The following PYGB variants were observed in gnomAD, a reference collection of about 807,000 sequenced individuals.
The protein encoded by PYGB is glycogen phosphorylase B.
A neutral mutation model predicts 94.3 loss-of-function variants in PYGB; 82 were observed. That is an observed-to-expected ratio of 0.87 (90% confidence interval 0.73 to 1.04). The LOEUF is 1.04. Among genes scored for constraint, PYGB ranks in the 50% least tolerant of loss-of-function variants. The pLI is 0.00. For synonymous variants in PYGB, 488 were observed against 479.1 expected (o/e 1.02, Z -0.24); for missense variants, 1,132 against 1,158.2 (o/e 0.98, Z 0.33).
chr20:25,260,845 T>C (rs1389499719), intron 2 of PYGB, among the ~76,000 whole-genome samples: 1 of 152,204 alleles, frequency 6.6e-6, no homozygotes, highest in South Asian at 2.1e-4. Flanking sequence ...CGCACCAGGC[T>C]CAGAGGGTCC....
intron 2 of PYGB, among the ~76,000 whole-genome samples, chr20:25,262,998 C>G (rs1003657884): frequency 5.9e-5 from 9 of 152,168 alleles, no homozygotes; most frequent in African/African-American, 2.2e-4. Context: ...GAGACTTAGA[C>G]TCCCACACAA....
At chr20:25,266,921 A>G (rs6050504) in intron 2 of PYGB, among the ~76,000 whole-genome samples, 9,878 of 152,300 alleles carry the variant, frequency 0.065, 988 homozygotes, top group African/African-American at 0.22. Flanking sequence ...TTTGGAAAAT[A>G]GTCTGCTAGT....
intron 2 of PYGB, among the ~76,000 whole-genome samples, chr20:25,266,737 T>C (rs1489477278): frequency 6.6e-6 from 1 of 152,194 alleles, no homozygotes; most frequent in Admixed American, 6.5e-5. Context: ...CCAAAGATGA[T>C]ATCCACATAG....
At chr20:25,266,375 C>G (rs190143637) in intron 2 of PYGB, among the ~76,000 whole-genome samples, 28 of 152,074 alleles carry the variant, frequency 1.8e-4, no homozygotes, top group African/African-American at 6.3e-4. Context: ...ACCCCTACCT[C>G]ACATTACATA....
At chr20:25,255,234 A>G (rs1248590379) in intron 1 of PYGB, among the ~76,000 whole-genome samples, 1 of 152,226 alleles carries the variant, frequency 6.6e-6, no homozygotes, top group Non-Finnish European at 1.5e-5. Flanking sequence ...GGACACTGTG[A>G]CACTGTCAAG....
In PYGB at chr20:25,282,133, G is replaced by A. The variant is rs2227891; in HGVS notation, c.1504G>A (p.Asp502Asn). ...GCTGCTGTGCAACCCGGGGCTGGCCGATACCATCGTGGAGGTGAGTCCCGG... is the reference window on the plus strand; with the variant it reads ...GCTGCTGTGCAACCCGGGGCTGGCCAATACCATCGTGGAGGTGAGTCCCGG... Reference protein sequence around the residue: ...WLLLCNPGLADTIVEKIGEEF... With the variant: ...WLLLCNPGLANTIVEKIGEEF... Residue 502 changes from aspartate to asparagine, a missense_variant, in exon 12 of 20, where the codon GAT becomes AAT. By Grantham distance (23) the Asp-to-Asn change is conservative. Coordinates refer to ENST00000216962, the MANE Select transcript of PYGB (RefSeq NM_002862.4). 280,979 of 1,611,656 alleles carry A rather than the reference G, an allele frequency of 0.17. 26,114 individuals carry two copies. Among genetic ancestry groups the A allele is most frequent in the East Asian group, 0.33 (14,772 of 44,844 alleles).
Position 25,280,945 on chromosome 20 carries a change from C to T in PYGB, c.1240-4C>T, listed in dbSNP as rs772627439. The T allele has an allele frequency of 6.2e-7, 1 of 1,613,420 alleles. No individual in the cohort carries two copies. The highest frequency in any genetic ancestry group is 8.5e-7 in the Non-Finnish European group (1 of 1,179,660). On this transcript the variant is annotated splice_region_variant and splice_polypyrimidine_tract_variant and intron_variant, in intron 10 of 19. Coordinates refer to ENST00000216962, the MANE Select transcript of PYGB (RefSeq NM_002862.4). ...ACCCACCTGCCTCTGTGTTTTGGCACCAGCACGTGGCCGCGCTGTTTCCCG... is the reference window on the plus strand; with the variant it reads ...ACCCACCTGCCTCTGTGTTTTGGCATCAGCACGTGGCCGCGCTGTTTCCCG...
In PYGB at chr20:25,290,556, C is replaced by G. The variant is rs779347887; in HGVS notation, c.1903C>G (p.Pro635Ala). The G allele has an allele frequency of 1.9e-6, 3 of 1,611,708 alleles. No individual in the cohort carries two copies. The highest frequency in any genetic ancestry group is 2.5e-6 in the Non-Finnish European group (3 of 1,177,870). The change falls in exon 16 of 20, where the codon CCA becomes GCA. Residue 635 changes from proline to alanine, a missense_variant. By Grantham distance (27) the Pro-to-Ala change is conservative. Coordinates refer to ENST00000216962, the MANE Select transcript of PYGB (RefSeq NM_002862.4). The part of the protein sequence containing the change: ...TSIGDVVNHD[P>A]VVGDRLKVIF... ...CATCGGCGACGTCGTCAATCATGACCCAGTTGTGGGTGACAGGTTGAAAGT... is the reference window on the plus strand; with the variant it reads ...CATCGGCGACGTCGTCAATCATGACGCAGTTGTGGGTGACAGGTTGAAAGT...
intron 2 of PYGB, among the ~76,000 whole-genome samples, chr20:25,266,510 CA>C (rs1279173752): frequency 6.6e-6 from 1 of 151,840 alleles, no homozygotes; most frequent in Non-Finnish European, 1.5e-5. Context: ...GATATGACAC[CA>C]AAAACCCAAG....
chr20:25,292,232 C>T (rs910108365), intron 16 of PYGB, among the ~76,000 whole-genome samples, 174 bp from the exon 17 acceptor site: 4 of 151,666 alleles, frequency 2.6e-5, no homozygotes, highest in South Asian at 2.1e-4. Context: ...GGCGGGTGGC[C>T]GTGTCCAGCC....
rs2261747 is a variant in PYGB at position 25,281,148 on chromosome 20, G to T, written c.1403+36G>T. 3 of 1,610,020 alleles carry T rather than the reference G, an allele frequency of 1.9e-6. No homozygotes were observed. In the Admixed American group the frequency reaches 5.0e-5, roughly 27 times the overall value. ...CGCTTGCCCGAGCGGGGCCAGCTCT[G>T]TCTGACACCCAGGCCTGCGTCTAGG... On this transcript the variant is annotated intron_variant, in intron 11 of 19. Coordinates refer to ENST00000216962, the MANE Select transcript of PYGB (RefSeq NM_002862.4).
At chr20:25,276,589 A>C in intron 5 of PYGB, 57 bp from the exon 6 acceptor site, 1 of 1,477,072 alleles carries the variant, frequency 6.8e-7, no homozygotes, top group East Asian at 2.3e-5. Flanking sequence ...GGGGAGAGGC[A>C]CAGGGGCCGG....
In PYGB at chr20:25,248,369, T is replaced by A. The variant is rs976729518; in HGVS notation, c.191T>A (p.Leu64His). 4 of 1,594,896 alleles carry A rather than the reference T, an allele frequency of 2.5e-6. No individual in the cohort carries two copies. Among genetic ancestry groups the A allele is most frequent in the Non-Finnish European group, 3.4e-6 (4 of 1,171,966 alleles). The part of the protein sequence containing the change: ...FALAHTVRDH[L>H]VGRWIRTQQH... ...CTGGCGCACACGGTGCGCGACCACC[T>A]CGTGGGCCGCTGGATCCGCACGCAG... Residue 64 changes from leucine (L) to histidine (H), a missense_variant, in exon 1 of 20, where the codon CTC (leucine) becomes CAC (histidine). By Grantham distance (99) the Leu-to-His change is moderately conservative. Transcript: ENST00000216962.
chr20:25,256,943 G>A (rs2092903876), intron 1 of PYGB, among the ~76,000 whole-genome samples: 1 of 152,170 alleles, frequency 6.6e-6, no homozygotes. Context: ...ATGGTGAGGG[G>A]AACCAGCCTT....
At chr20:25,284,878 A>G (rs1373624369) in intron 14 of PYGB, 1 of 152,244 alleles carries the variant, frequency 6.6e-6, no homozygotes, top group East Asian at 1.9e-4. Context: ...AAGGACATTT[A>G]ATTATGAGAC....
chr20:25,294,138 C>A lies in PYGB; in HGVS notation c.2178-20C>A. On this transcript the variant is annotated intron_variant, in intron 17 of 19. Transcript: ENST00000216962. The stretch of plus-strand genomic sequence containing the variant: ...CCACCTGGGGCGCTGGCTGCTGACT[C>A]CTGGCCCATCGCCTCACAGGTACAA... 6.2e-7 allele frequency: 1 copy of A among 1,612,110 alleles called. No individual in the cohort carries two copies. Among genetic ancestry groups the A allele is most frequent in the Non-Finnish European group, 8.5e-7 (1 of 1,179,654 alleles).
chr20:25,290,661 C>T (rs1444695501), intron 16 of PYGB, 39 bp downstream of exon 16: 2 of 1,584,900 alleles, frequency 1.3e-6, no homozygotes, highest in Non-Finnish European at 1.7e-6. Flanking sequence ...AAACTCACTC[C>T]TGCCGGGGAA....
rs1239626817 is a variant in PYGB at position 25,296,581 on chromosome 20, C to T, written c.*59C>T. ...TGTTTTCTTGCTGACTTTGCACCTC[C>T]TTTTTTCCCCAAACACTTTGCCAGC... On this transcript the variant is annotated 3_prime_UTR_variant, in exon 20 of 20. Coordinates refer to ENST00000216962, the MANE Select transcript of PYGB (RefSeq NM_002862.4). 3 of 1,552,604 alleles carry T rather than the reference C, an allele frequency of 1.9e-6. No individual in the cohort carries two copies. In the East Asian group the frequency reaches 6.8e-5, roughly 35 times the overall value.
At chr20:25,272,081 G>A (rs988452330) in intron 4 of PYGB, among the ~76,000 whole-genome samples, 2 of 152,208 alleles carry the variant, frequency 1.3e-5, no homozygotes, top group Non-Finnish European at 2.9e-5. Context: ...GCCGGGAGGA[G>A]GGCGTGGTCT....
Sources: allele counts gnomAD v4.1 joint callset (sites outside exome capture counted in the v4.1 genomes callset), GRCh38; gene constraint gnomAD v4.1.1; transcripts MANE v1.5; gene names NCBI Gene and HGNC (gene_info 2026-07-23, HGNC 2026-07-21).